Variants in WDR26 observed in about 807,000 individuals in gnomAD.
WDR26 encodes WD repeat-containing protein 26.
WDR26 carries 5 observed loss-of-function variants against 84.1 expected under a neutral mutation model. That is an observed-to-expected ratio of 0.06 (90% CI 0.03 to 0.13). The LOEUF (loss-of-function observed/expected upper bound fraction) is 0.13. Ranked by LOEUF, WDR26 falls within the 10% of genes least tolerant of loss-of-function variation. WDR26 has a pLI of 1.00. For synonymous variants in WDR26, 415 were observed against 389.6 expected (o/e 1.07, Z -0.77); for missense variants, 642 against 974.9 (o/e 0.66, Z 4.55).
rs1673010138 is a variant in WDR26, at chr1:224,387,243, A to T, written c.*2592T>A. ...CTACTATAGAGCCTACAGCACTATC[A>T]GAAGTTTTCAATTAATAGCTATGGA... On this transcript the variant is annotated 3_prime_UTR_variant, in exon 14 of 14. Transcript: ENST00000414423. The T allele has an allele frequency of 6.6e-6, 1 of 152,616 alleles. No homozygotes were observed. Among genetic ancestry groups the T allele is most frequent in the South Asian group, 2.1e-4 (1 of 4,820 alleles). The allele number at this position is 152,616 out of a possible 1,614,324, so 9.5% of individuals were successfully genotyped here. A position where few individuals can be genotyped will look rare whatever the true frequency, so the allele number is the denominator to read the frequency against.
intron 6 of WDR26, chr1:224,413,217 C>CA (rs1673789050): frequency 1.2e-6 from 1 of 806,894 alleles, no homozygotes; most frequent in Non-Finnish European, 1.6e-6. Context: ...ACCCCCCCCC[C>CA]CAAAAAAAAC....
intron 3 of WDR26, among the ~76,000 whole-genome samples, chr1:224,425,529 T>C (rs1380579673): frequency 6.6e-6 from 1 of 152,258 alleles, no homozygotes; most frequent in Non-Finnish European, 1.5e-5. Context: ...TTGACTTTAA[T>C]ACTTTTAAAT....
chr1:224,423,488 A>G (rs1167114042), intron 4 of WDR26, among the ~76,000 whole-genome samples: 4 of 152,182 alleles, frequency 2.6e-5, no homozygotes. Flanking sequence ...GCTCATGCCT[A>G]TTAACCCAGC....
intron 7 of WDR26, among the ~76,000 whole-genome samples, chr1:224,410,698 T>TTC (rs1673714631): frequency 6.8e-6 from 1 of 146,382 alleles, no homozygotes. Flanking sequence ...TTCTTTCTTT[T>TTC]TTTTTTTTTT....
rs1673014020 is a variant in WDR26 at position 224,387,419 on chromosome 1, T to G, written c.*2416A>C. 6.6e-6 allele frequency: 1 copy of G among 152,644 alleles called. No homozygotes were observed. The highest frequency in any genetic ancestry group is 2.4e-5 in the African/African-American group (1 of 41,456). 9.5% of individuals were successfully genotyped at this position (152,644 alleles called of 1,614,324 possible). A position where few individuals can be genotyped will look rare whatever the true frequency, so the allele number is the denominator to read the frequency against. Reference sequence around the variant, plus strand: ...CCAGTATGTACAGGAAGCTGCCAGTTAAGACAGACCCGGAAAACAAACTCA... The same window carrying G: ...CCAGTATGTACAGGAAGCTGCCAGTGAAGACAGACCCGGAAAACAAACTCA... On this transcript the variant is annotated 3_prime_UTR_variant, in exon 14 of 14. Coordinates refer to ENST00000414423, the MANE Select transcript of WDR26 (RefSeq NM_001379403.1).
chr1:224,434,580 C>A lies in WDR26; in HGVS notation c.-175G>T, dbSNP rs920793486. On this transcript the variant is annotated 5_prime_UTR_variant, in exon 1 of 14. Transcript: ENST00000414423. ...GAGGATCCGGGCCCTTTCCCCCCCCCCTCCCGGAGGCAGCTCGGGGTGCGC... is the reference window on the plus strand; with the variant it reads ...GAGGATCCGGGCCCTTTCCCCCCCCACTCCCGGAGGCAGCTCGGGGTGCGC... 1.4e-4 allele frequency: 67 copies of A among 481,034 alleles called. No individual in the cohort carries two copies. Among genetic ancestry groups the A allele is most frequent in the East Asian group, 1.6e-4 (1 of 6,380 alleles). The allele number at this position is 481,034 out of a possible 1,614,324, so 29.8% of individuals were successfully genotyped here. A position where few individuals can be genotyped will look rare whatever the true frequency, so the allele number is the denominator to read the frequency against.
intron 13 of WDR26, among the ~76,000 whole-genome samples, chr1:224,390,659 T>C (rs1198655853): frequency 1.3e-5 from 2 of 152,160 alleles, no homozygotes; most frequent in South Asian, 2.1e-4. Context: ...TCATATTCTA[T>C]ACAAAGCAAC....
intron 4 of WDR26, among the ~76,000 whole-genome samples, chr1:224,424,197 T>C (rs935335841): frequency 2.0e-5 from 3 of 152,242 alleles, no homozygotes; most frequent in Admixed American, 2.0e-4. Flanking sequence ...TTTACTGTGA[T>C]CCATATCATA....
In WDR26 at chr1:224,431,707, T is replaced by C. The variant is rs1377063710; in HGVS notation, c.797A>G (p.His266Arg). ...CTTATCCCAGTCTCCTTCCATGACA[T>C]GATTTCGGAATTTGGTAGCAGAAGG... is the stretch of plus-strand genomic sequence containing the variant. Residue 266 changes from histidine to arginine, a missense_variant, in exon 2 of 14, where the codon CAT becomes CGT. Physicochemically the swap from His to Arg is conservative, Grantham distance 29 (BLOSUM62 0). This residue lies in a region of WDR26 where 351 missense variants were observed against 672.8 expected (regional missense o/e 0.52). Transcript: ENST00000414423. The C allele has an allele frequency of 6.2e-7, 1 of 1,613,960 alleles. No individual in the cohort carries two copies. The highest frequency in any genetic ancestry group is 8.5e-7 in the Non-Finnish European group (1 of 1,179,854).
Position 224,389,501 on chromosome 1 carries a change from C to A in WDR26, c.*334G>T, listed in dbSNP as rs1673065968. On this transcript the variant is annotated 3_prime_UTR_variant, in exon 14 of 14. Transcript: ENST00000414423. ...TAAACTTCATTACACAGAAGAGCAA[C>A]AAGAATGGTATCCTGCCAGACAAAA... 4.0e-6 allele frequency: 2 copies of A among 500,978 alleles called. No homozygotes were observed. Among genetic ancestry groups the A allele is most frequent in the African/African-American group, 4.1e-5 (2 of 49,202 alleles). The allele number at this position is 500,978 out of a possible 1,614,324, so 31.0% of individuals were successfully genotyped here. A position where few individuals can be genotyped will look rare whatever the true frequency, so the allele number is the denominator to read the frequency against.
At position 224,393,853 on chromosome 1, in the gene WDR26, A is replaced by G. The variant is rs142326612; in HGVS notation, c.2235T>C (p.Pro745=). The G allele has an allele frequency of 1.6e-4, 256 of 1,552,826 alleles. 3 individuals are homozygous for G. The East Asian group carries it at 5.3e-3, about 32-fold the overall frequency. Residue 745 remains proline, a synonymous_variant, in exon 13 of 14, where the codon CCT becomes CCC. Coordinates refer to ENST00000414423, the MANE Select transcript of WDR26 (RefSeq NM_001379403.1). The stretch of plus-strand genomic sequence containing the variant: ...CTTCAATATTCTGGTGGTCTATAAA[A>G]GGTGCTGGTCCCCATATTCTAACAG...
chr1:224,403,034 T>C (rs1673458716), intron 8 of WDR26, among the ~76,000 whole-genome samples: 1 of 152,132 alleles, frequency 6.6e-6, no homozygotes, highest in South Asian at 2.1e-4. Flanking sequence ...GATATGTATA[T>C]ATATGTAATA....
chr1:224,404,561 G>A lies in WDR26; in HGVS notation c.1468C>T (p.Leu490=). 6.2e-7 allele frequency: 1 copy of A among 1,611,974 alleles called. No individual in the cohort carries two copies. Among genetic ancestry groups the A allele is most frequent in the South Asian group, 1.1e-5 (1 of 90,792 alleles). ...TCTAATGTTTTAAGCAGTTTTAGCA[G>A]GTGTGTATCCTGGGAGGGAAAATAA... The change falls in exon 8 of 14, where the codon CTG becomes TTG. Residue 490 remains leucine, a synonymous_variant. Coordinates refer to ENST00000414423, the MANE Select transcript of WDR26 (RefSeq NM_001379403.1).
chr1:224,417,184 C>T (rs181577037), intron 6 of WDR26, among the ~76,000 whole-genome samples: 41 of 152,074 alleles, frequency 2.7e-4, no homozygotes, highest in African/African-American at 9.9e-4. Flanking sequence ...ACAATTTTTA[C>T]GGTTATTCAG....
Position 224,434,780 on chromosome 1 carries a change from C to T in WDR26, c.-375G>A, listed in dbSNP as rs1472176585. ...CTGCTCCCTGGTGTGTTGATTCTTC[C>T]CCCAGCTGCTGCCTAATGGAGTCCA... On this transcript the variant is annotated 5_prime_UTR_variant, in exon 1 of 14. Transcript: ENST00000414423. 8 of 986,296 alleles carry T rather than the reference C, an allele frequency of 8.1e-6. No individual in the cohort carries two copies. Among genetic ancestry groups the T allele is most frequent in the African/African-American group, 3.5e-5 (2 of 57,206 alleles). The allele number at this position is 986,296 out of a possible 1,614,324, so 61.1% of individuals were successfully genotyped here. A position where few individuals can be genotyped will look rare whatever the true frequency, so the allele number is the denominator to read the frequency against.
Position 224,434,429 on chromosome 1 carries a change from C to T in WDR26, c.-24G>A. 11 of 202,442 alleles carry T rather than the reference C, an allele frequency of 5.4e-5. No individual in the cohort carries two copies. The highest frequency in any genetic ancestry group is 7.3e-5 in the Non-Finnish European group (11 of 151,674). The allele number at this position is 202,442 out of a possible 1,614,324, so 12.5% of individuals were successfully genotyped here. On this transcript the variant is annotated 5_prime_UTR_variant, in exon 1 of 14. Coordinates refer to ENST00000414423, the MANE Select transcript of WDR26 (RefSeq NM_001379403.1). The stretch of plus-strand genomic sequence containing the variant: ...GTGGTGGGAAGCCGGTGGGGCGAGG[C>T]GGGGGAGGGGAGGCGGGGGCCGGGG...
intron 4 of WDR26, among the ~76,000 whole-genome samples, chr1:224,420,833 C>T (rs906065078): frequency 6.6e-6 from 1 of 152,040 alleles, no homozygotes; most frequent in Admixed American, 6.5e-5. Context: ...CTCCTGACCT[C>T]GTGATCCGCC....
chr1:224,422,485 G>T (rs1674092377), intron 4 of WDR26, among the ~76,000 whole-genome samples: 1 of 152,198 alleles, frequency 6.6e-6, no homozygotes, highest in South Asian at 2.1e-4. Flanking sequence ...GAAGGCTGAG[G>T]CAGGTGGATC....
chr1:224,392,671 C>T (rs1229697025), intron 13 of WDR26, among the ~76,000 whole-genome samples: 1 of 151,990 alleles, frequency 6.6e-6, no homozygotes, highest in Non-Finnish European at 1.5e-5. Context: ...AGGTTCTGGG[C>T]AAATGAACAG....
Sources: gnomAD v4.1 joint callset for allele counts (sites outside exome capture counted in the v4.1 genomes callset) on GRCh38, gnomAD v4.1.1 for gene constraint, gnomAD v4.1.1 regional missense constraint, MANE v1.5 for transcripts, NCBI Gene and HGNC (gene_info 2026-07-23, HGNC 2026-07-21) for gene names.